The following SLC25A21 variants were observed in gnomAD, a reference collection of about 807,000 sequenced individuals.
The protein encoded by SLC25A21 is solute carrier family 25 member 21, also known as mitochondrial 2-oxodicarboxylate carrier.
Under a neutral mutation model 43.8 loss-of-function variants are expected in SLC25A21, and 47 were observed. The observed-to-expected ratio is 1.07, with a 90% CI of 0.85 to 1.37. SLC25A21 has a LOEUF of 1.37. Among genes scored for constraint, SLC25A21 ranks in the 40% most tolerant of loss-of-function variants. SLC25A21 has a pLI of 0.00. For missense variants in SLC25A21, 352 were observed against 350.2 expected, an observed-to-expected ratio of 1.00 and a Z score of -0.04; for synonymous variants, 131 against 121.3, an observed-to-expected ratio of 1.08 and a Z score of -0.52.
chr14:37,161,208 G>A (rs1361705476), intron 1 of SLC25A21, among the ~76,000 whole-genome samples: 1 of 151,842 alleles, frequency 6.6e-6, no homozygotes, highest in Non-Finnish European at 1.5e-5. Context: ...AAAAGAAGAG[G>A]GTAAAAATCA....
At chr14:36,687,733 C>T (rs944934865) in intron 7 of SLC25A21, among the ~76,000 whole-genome samples, 3 of 152,190 alleles carry the variant, frequency 2.0e-5, no homozygotes, top group South Asian at 2.1e-4. Flanking sequence ...CGCATGAATG[C>T]AGCATCTCAG....
intron 1 of SLC25A21, among the ~76,000 whole-genome samples, chr14:37,029,868 G>T (rs1961173225): frequency 6.7e-6 from 1 of 148,314 alleles, no homozygotes; most frequent in Non-Finnish European, 1.5e-5. Flanking sequence ...AGGTTCCAGT[G>T]ATTCTCCTGC....
Position 36,985,644 on chromosome 14 carries a change from G to T in SLC25A21, c.71-110640C>A, listed in dbSNP as rs190710160. Among the ~76,000 whole-genome samples, 474 of 152,234 alleles carry T rather than the reference G, an allele frequency of 3.1e-3. 2 individuals are homozygous for T. Among genetic ancestry groups the T allele is most frequent in the African/African-American group, 0.01 (426 of 41,544 alleles). On this transcript the variant is annotated intron_variant, in intron 1 of 9. Coordinates refer to ENST00000331299, the MANE Select transcript of SLC25A21 (RefSeq NM_030631.4). ...TTATGACCTCAGGGCAACATATCAG[G>T]AGGACCATGATGTCAAATGTTCGCA...
At chr14:37,054,847 C>T in intron 1 of SLC25A21, among the ~76,000 whole-genome samples, 1 of 152,146 alleles carries the variant, frequency 6.6e-6, no homozygotes, top group African/African-American at 2.4e-5. Flanking sequence ...TTATGAATGG[C>T]TTTGGAGCAA....
chr14:37,055,894 C>A (rs556996479), intron 1 of SLC25A21, among the ~76,000 whole-genome samples: 1 of 151,890 alleles, frequency 6.6e-6, no homozygotes, highest in East Asian at 1.9e-4. Context: ...TGTCCTCATG[C>A]AAATCTCATG....
intron 3 of SLC25A21, among the ~76,000 whole-genome samples, chr14:36,788,245 A>G (rs1464427349): frequency 6.6e-6 from 1 of 152,050 alleles, no homozygotes; most frequent in Non-Finnish European, 1.5e-5. Flanking sequence ...GATGTCCATT[A>G]CGGATGGGTC....
At chr14:37,087,389 A>C (rs1962505192) in intron 1 of SLC25A21, among the ~76,000 whole-genome samples, 1 of 152,188 alleles carries the variant, frequency 6.6e-6, no homozygotes, top group East Asian at 1.9e-4. Flanking sequence ...GAGAGTAAGA[A>C]AGTTGGGTTA....
chr14:37,002,402 T>C (rs879734519), intron 1 of SLC25A21, among the ~76,000 whole-genome samples: 4 of 152,200 alleles, frequency 2.6e-5, no homozygotes, highest in South Asian at 4.1e-4. Context: ...TGTGGAATTG[T>C]TGAGGACTCT....
chr14:37,103,495 T>C (rs1962856163), intron 1 of SLC25A21, among the ~76,000 whole-genome samples: 1 of 152,232 alleles, frequency 6.6e-6, no homozygotes, highest in South Asian at 2.1e-4. Flanking sequence ...CATTTAACTC[T>C]TTCAATAAGC....
intron 7 of SLC25A21, among the ~76,000 whole-genome samples, chr14:36,704,217 G>A (rs1304813598): frequency 1.3e-5 from 2 of 152,190 alleles, no homozygotes; most frequent in African/African-American, 4.8e-5. Flanking sequence ...ATTACAGACC[G>A]AGGATACGAA....
chr14:37,155,953 G>A (rs1257437502), intron 1 of SLC25A21, among the ~76,000 whole-genome samples: 1 of 152,062 alleles, frequency 6.6e-6, no homozygotes, highest in Non-Finnish European at 1.5e-5. Context: ...GAGGTCAGGA[G>A]TTTGAGACCA....
intron 3 of SLC25A21, among the ~76,000 whole-genome samples, chr14:36,778,434 A>G (rs1886916342): frequency 6.6e-6 from 1 of 152,258 alleles, no homozygotes; most frequent in Non-Finnish European, 1.5e-5. Flanking sequence ...TACTCAGTGC[A>G]TATTCAACAC....
chr14:37,006,222 A>G (rs1247327604), intron 1 of SLC25A21, among the ~76,000 whole-genome samples: 1 of 152,156 alleles, frequency 6.6e-6, no homozygotes, highest in African/African-American at 2.4e-5. Context: ...ATTCGAACAG[A>G]TATATGTCTA....
chr14:36,701,908 C>G (rs1335969137), intron 7 of SLC25A21, among the ~76,000 whole-genome samples: 3 of 152,064 alleles, frequency 2.0e-5, no homozygotes, highest in African/African-American at 7.2e-5. Context: ...GATTGAGAAA[C>G]CAGAGGGAGC....
intron 1 of SLC25A21, among the ~76,000 whole-genome samples, chr14:37,151,850 C>A (rs946335139): frequency 6.6e-6 from 1 of 152,134 alleles, no homozygotes; most frequent in Admixed American, 6.5e-5. Context: ...GCCTGGCCAA[C>A]ATAGTGAAAC....
intron 1 of SLC25A21, among the ~76,000 whole-genome samples, chr14:37,017,957 C>T (rs1437498875): frequency 6.6e-6 from 1 of 151,784 alleles, no homozygotes; most frequent in East Asian, 1.9e-4. Flanking sequence ...AATTTTCATC[C>T]AGCAATTCTA....
At chr14:37,086,620 C>G (rs1267429170) in intron 1 of SLC25A21, among the ~76,000 whole-genome samples, 1 of 152,212 alleles carries the variant, frequency 6.6e-6, no homozygotes, top group African/African-American at 2.4e-5. Context: ...GTACCACTCA[C>G]TAGCTGCATG....
chr14:37,155,134 G>C (rs1232716965), intron 1 of SLC25A21, among the ~76,000 whole-genome samples: 3 of 151,206 alleles, frequency 2.0e-5, no homozygotes, highest in Non-Finnish European at 4.4e-5. Context: ...GCAGTGGCAC[G>C]ATCTCAGCTC....
chr14:36,696,555 G>C (rs1041523592), intron 7 of SLC25A21, among the ~76,000 whole-genome samples: 3 of 152,094 alleles, frequency 2.0e-5, no homozygotes, highest in Non-Finnish European at 4.4e-5. Flanking sequence ...TTTTTGGTTG[G>C]TAGGCTATTA....
Sources: allele counts gnomAD v4.1 joint callset (sites outside exome capture counted in the v4.1 genomes callset), GRCh38; gene constraint gnomAD v4.1.1; transcripts MANE v1.5; gene names NCBI Gene and HGNC (gene_info 2026-07-23, HGNC 2026-07-21).